Variants in PAPOLA observed in about 807,000 individuals in gnomAD.
PAPOLA encodes polynucleotide adenylyltransferase alpha.
PAPOLA carries 15 observed loss-of-function variants against 100.6 expected under a neutral mutation model. The ratio of observed to expected loss-of-function variants is 0.15; its 90% CI spans 0.10 to 0.23. PAPOLA has a LOEUF of 0.23. PAPOLA is among the 10% of genes least tolerant of loss of function. The probability of loss-of-function intolerance (pLI) is 1.00; values close to 1 mark genes in which losing one functional copy is unlikely to be tolerated. For missense variants in PAPOLA, 533 were observed against 884.2 expected (o/e 0.60, Z 5.04); for synonymous variants, 293 against 300.0 (o/e 0.98, Z 0.24).
At chr14:96,547,594 G>A in intron 15 of PAPOLA, 1 of 430,808 alleles carries the variant, frequency 2.3e-6, no homozygotes, top group South Asian at 3.4e-5. Context: ...AATACATTTT[G>A]TGCTTTTATT....
chr14:96,527,348 A>C (rs1049458306), intron 4 of PAPOLA, 82 bp from the exon 5 acceptor site: 6 of 819,868 alleles, frequency 7.3e-6, no homozygotes, highest in Non-Finnish European at 8.1e-6. Flanking sequence ...ACAGATTCTC[A>C]ACATCAAATA....
At chr14:96,520,782 G>A (rs1368986235) in intron 2 of PAPOLA, among the ~76,000 whole-genome samples, 2 of 151,852 alleles carry the variant, frequency 1.3e-5, no homozygotes, top group Non-Finnish European at 2.9e-5. Context: ...ATTGTCTGGA[G>A]AAAAAGGAAT....
rs528539450 is a variant in PAPOLA, at chr14:96,505,399, C to T, written c.8+2799C>T. On this transcript the variant is annotated intron_variant, in intron 1 of 21. Coordinates refer to ENST00000216277, the MANE Select transcript of PAPOLA (RefSeq NM_032632.5). ...TTATGGAAACTAGATGTATTTCTGC[C>T]CTACTCTGTGTTGGTCAGATATTTT... is the stretch of plus-strand genomic sequence containing the variant. Among the ~76,000 whole-genome samples the T allele has an allele frequency of 7.9e-5, 12 of 152,142 alleles. 1 individual carries two copies. The South Asian group carries it at 2.1e-3, about 26-fold the overall frequency.
Position 96,556,291 on chromosome 14 carries a change from T to TCTTCAGGAAATGCAGCAA in PAPOLA, c.1902_1919dup (p.Ser635_Thr640dup), listed in dbSNP as rs749706246. On this transcript the variant is annotated inframe_insertion, in exon 19 of 22. Transcript: ENST00000216277. ...ACGTCTGGTAAACCCACCACCTAGATCTTCAGGAAATGCAGCAACTTCAGG... is the reference window on the plus strand; with the variant it reads ...ACGTCTGGTAAACCCACCACCTAGATCTTCAGGAAATGCAGCAACTTCAGGAAATGCAGCAACTTCAGG... The TCTTCAGGAAATGCAGCAA allele has an allele frequency of 2.5e-6, 4 of 1,613,808 alleles. No homozygotes were observed. The highest frequency in any genetic ancestry group is 1.6e-4 in the Middle Eastern group (1 of 6,084).
Position 96,566,295 on chromosome 14 carries a change from CTTTAT to C in PAPOLA, c.*1249_*1253del, listed in dbSNP as rs971841498. 4 of 177,038 alleles carry C rather than the reference CTTTAT, an allele frequency of 2.3e-5. No individual in the cohort carries two copies. Among genetic ancestry groups the C allele is most frequent in the East Asian group, 1.4e-4 (1 of 6,974 alleles). The allele number at this position is 177,038 out of a possible 1,614,324, so 11.0% of individuals were successfully genotyped here. ...TTGACATCTAGTCAGCTCTCTACTC[CTTTAT>C]TTTGTTTTATCAAAAGATTAAGAGC... On this transcript the variant is annotated 3_prime_UTR_variant, in exon 22 of 22. Coordinates refer to ENST00000216277, the MANE Select transcript of PAPOLA (RefSeq NM_032632.5).
At chr14:96,551,249 G>T (rs896716799) in intron 16 of PAPOLA, among the ~76,000 whole-genome samples, 1 of 152,166 alleles carries the variant, frequency 6.6e-6, no homozygotes, top group South Asian at 2.1e-4. Context: ...CAGCTGTTTG[G>T]CCACTTAGTG....
intron 13 of PAPOLA, 70 bp from the exon 14 acceptor site, chr14:96,542,704 A>T (rs1196938253): frequency 2.2e-6 from 3 of 1,381,302 alleles, no homozygotes; most frequent in Non-Finnish European, 2.0e-6. Flanking sequence ...ATGCCCTGGT[A>T]TGTGCATTTT....
At chr14:96,547,397 A>G (rs1284110877) in intron 15 of PAPOLA, among the ~76,000 whole-genome samples, 1 of 152,190 alleles carries the variant, frequency 6.6e-6, no homozygotes, top group African/African-American at 2.4e-5. Context: ...GTATAGTTTA[A>G]TAAGTTTGAC....
At position 96,525,448 on chromosome 14, in the gene PAPOLA, C is replaced by A. The variant is rs1898379019; in HGVS notation, c.331+57C>A. On this transcript the variant is annotated intron_variant, in intron 4 of 21. Transcript: ENST00000216277. ...ACCCTTTAGTTCTTAAAAATTATGA[C>A]ATACCCGTCTCAGTTACTTGTGTAT... The A allele has an allele frequency of 7.1e-6, 5 of 708,332 alleles. No homozygotes were observed. In the East Asian group the frequency reaches 1.1e-4, roughly 15 times the overall value. The allele number at this position is 708,332 out of a possible 1,614,324, so 43.9% of individuals were successfully genotyped here.
chr14:96,550,119 A>T (rs78503191), intron 16 of PAPOLA, among the ~76,000 whole-genome samples: 8,350 of 152,344 alleles, frequency 0.055, 229 homozygotes, highest in Non-Finnish European at 0.058. Flanking sequence ...ATTGCACTTC[A>T]GTCTGAGTGA....
chr14:96,564,486 A>G (rs2140345105), intron 21 of PAPOLA, among the ~76,000 whole-genome samples: 1 of 152,250 alleles, frequency 6.6e-6, no homozygotes, highest in East Asian at 1.9e-4. Flanking sequence ...ATTATTGCTT[A>G]GCTGTATATA....
At chr14:96,555,015 TGA>T (rs1192939455) in intron 17 of PAPOLA, among the ~76,000 whole-genome samples, 1 of 151,906 alleles carries the variant, frequency 6.6e-6, no homozygotes, top group Non-Finnish European at 1.5e-5. Context: ...AAAGAGAAAA[TGA>T]GAGAGAAACT....
intron 6 of PAPOLA, 82 bp downstream of exon 6, chr14:96,528,088 GT>G: frequency 1.1e-6 from 1 of 871,926 alleles, no homozygotes; most frequent in Non-Finnish European, 2.0e-6. Flanking sequence ...TTGGTTTAAA[GT>G]TTATAATTAG....
In PAPOLA at chr14:96,565,069, A is replaced by C. The variant is rs1902168258; in HGVS notation, c.*19A>C. On this transcript the variant is annotated 3_prime_UTR_variant, in exon 22 of 22. Coordinates refer to ENST00000216277, the MANE Select transcript of PAPOLA (RefSeq NM_032632.5). The stretch of plus-strand genomic sequence containing the variant: ...TCGGTAAAAACAACCTCAGGGGTCC[A>C]TAAACAATATCTGCCAACTCAACCT... The C allele has an allele frequency of 8.2e-7, 1 of 1,221,670 alleles. No homozygotes were observed. The highest frequency in any genetic ancestry group is 1.5e-5 in the African/African-American group (1 of 67,386). The allele number at this position is 1,221,670 out of a possible 1,614,324, so 75.7% of individuals were successfully genotyped here. A position where few individuals can be genotyped will look rare whatever the true frequency, so the allele number is the denominator to read the frequency against.
intron 9 of PAPOLA, 75 bp downstream of exon 9, chr14:96,532,724 C>T (rs911911710): frequency 6.9e-7 from 1 of 1,456,780 alleles, no homozygotes; most frequent in Non-Finnish European, 9.0e-7. Context: ...TGACATTTCT[C>T]AGCTTGGTTT....
chr14:96,560,640 TA>T lies in PAPOLA; in HGVS notation c.2005-4del, dbSNP rs200948815. On this transcript the variant is annotated splice_polypyrimidine_tract_variant and splice_region_variant and intron_variant, in intron 19 of 21. Coordinates refer to ENST00000216277, the MANE Select transcript of PAPOLA (RefSeq NM_032632.5). ...TTTTAGAGAATAAAGCTTTTTTTTT[TA>T]AAAACAGGATGAAACAAGTGAAGAT... 6.4e-7 allele frequency: 1 copy of T among 1,557,932 alleles called. No individual in the cohort carries two copies. The highest frequency in any genetic ancestry group is 8.8e-7 in the Non-Finnish European group (1 of 1,137,694).
intron 9 of PAPOLA, chr14:96,534,141 G>A: frequency 9.6e-7 from 1 of 1,042,532 alleles, no homozygotes; most frequent in Non-Finnish European, 1.2e-6. Flanking sequence ...CTAGTATAAA[G>A]GCAGGAATTT....
chr14:96,537,130 A>C, intron 12 of PAPOLA, 70 bp downstream of exon 12: 2 of 865,354 alleles, frequency 2.3e-6, no homozygotes, highest in Non-Finnish European at 4.0e-6. Flanking sequence ...ACATTATGAC[A>C]TTTCTTCTTG....
intron 1 of PAPOLA, among the ~76,000 whole-genome samples, chr14:96,509,989 C>G (rs10136650): frequency 0.075 from 5,468 of 73,120 alleles, 378 homozygotes; most frequent in African/African-American, 0.23. Flanking sequence ...TTTTTTTAAT[C>G]TTTGGATTGT....
Sources: allele counts gnomAD v4.1 joint callset (sites outside exome capture counted in the v4.1 genomes callset), GRCh38; gene constraint gnomAD v4.1.1; transcripts MANE v1.5; gene names NCBI Gene and HGNC (gene_info 2026-07-23, HGNC 2026-07-21).